MAEA: variants seen among roughly 807,000 people sequenced by gnomAD.
The protein encoded by MAEA is E3 ubiquitin-protein transferase MAEA.
MAEA carries 22 observed loss-of-function variants against 46.2 expected under a neutral mutation model. That is an observed-to-expected ratio of 0.48 (90% confidence interval 0.34 to 0.68). The LOEUF (loss-of-function observed/expected upper bound fraction) is 0.68. Ranked by LOEUF, MAEA falls within the 30% of genes least tolerant of loss-of-function variation. The pLI, the probability that MAEA is intolerant of heterozygous loss-of-function variation, is 0.01. For missense variants in MAEA, 393 were observed against 558.1 expected (o/e 0.70, Z 2.98); for synonymous variants, 246 against 222.6 (o/e 1.11, Z -0.94).
At chr4:1,298,772 T>C (rs985509117) in intron 1 of MAEA, among the ~76,000 whole-genome samples, 4 of 152,182 alleles carry the variant, frequency 2.6e-5, no homozygotes, top group African/African-American at 9.6e-5. Context: ...CCTCTGTGTA[T>C]ACTGATGACT....
intron 5 of MAEA, chr4:1,329,675 C>T: frequency 1.0e-6 from 1 of 985,592 alleles, no homozygotes; most frequent in Non-Finnish European, 1.2e-6. Flanking sequence ...CCTGGAGCCA[C>T]CCACAAGGCA....
Position 1,317,322 on chromosome 4 carries a change from G to A in MAEA, c.456+1722G>A, listed in dbSNP as rs368321539. ...CCGGCCCCACACTCCAGACTCACCCGCAGGCCCCACACTCTGGACTCATCT... is the reference window on the plus strand; with the variant it reads ...CCGGCCCCACACTCCAGACTCACCCACAGGCCCCACACTCTGGACTCATCT... On this transcript the variant is annotated intron_variant, in intron 3 of 8. Coordinates refer to ENST00000303400, the MANE Select transcript of MAEA (RefSeq NM_001017405.3). Among the ~76,000 whole-genome samples the A allele has an allele frequency of 1.3e-3, 110 of 82,770 alleles. 3 individuals are homozygous for A. The South Asian group carries it at 0.045, about 34-fold the overall frequency. The allele number at this position is 82,770 out of a possible 152,430, so 54.3% of individuals were successfully genotyped here. A position where few individuals can be genotyped will look rare whatever the true frequency, so the allele number is the denominator to read the frequency against.
At chr4:1,330,530 T>TAATGTTTGTATTTTTAGTA (rs1174058773) in intron 5 of MAEA, 2 of 151,470 alleles carry the variant, frequency 1.3e-5, no homozygotes, top group African/African-American at 4.9e-5. Context: ...TTGGCCAGGC[T>TAATGTTTGTATTTTTAGTA]GGTCTCAAAC....
intron 1 of MAEA, among the ~76,000 whole-genome samples, chr4:1,296,672 T>C (rs906259183): frequency 6.6e-6 from 1 of 151,524 alleles, no homozygotes; most frequent in Non-Finnish European, 1.5e-5. Context: ...TACTACTCCC[T>C]GTCTCTGCCC....
In MAEA at chr4:1,332,769, G is replaced by A; in HGVS notation, c.669G>A (p.Lys223=). The A allele has an allele frequency of 6.2e-7, 1 of 1,611,572 alleles. No homozygotes were observed. Among genetic ancestry groups the A allele is most frequent in the South Asian group, 1.1e-5 (1 of 90,856 alleles). Reference sequence around the variant, plus strand: ...TGTTGTTTTTTAGACATGCAAGAAAGCACTTCAGCCAAGCAGAAGGGAGCC... The same window carrying A: ...TGTTGTTTTTTAGACATGCAAGAAAACACTTCAGCCAAGCAGAAGGGAGCC... ...KRLDAVRHAR[K]HFSQAEGSQL... Residue 223 remains lysine, a synonymous_variant, in exon 6 of 9, where the codon AAG becomes AAA. Coordinates refer to ENST00000303400, the MANE Select transcript of MAEA (RefSeq NM_001017405.3).
chr4:1,323,554 C>G, intron 4 of MAEA: 1 of 702,550 alleles, frequency 1.4e-6, no homozygotes. Context: ...CTAGTAGCTC[C>G]CCTAAAGAGA....
intron 4 of MAEA, among the ~76,000 whole-genome samples, chr4:1,322,978 C>T (rs565463398): frequency 1.0e-5 from 1 of 98,254 alleles, no homozygotes; most frequent in Admixed American, 1.6e-4. Flanking sequence ...TTTTTTGAGA[C>T]GGAGTCTCGC....
intron 5 of MAEA, 70 bp downstream of exon 5, chr4:1,327,773 C>G (rs1213593952): frequency 1.1e-5 from 15 of 1,404,916 alleles, no homozygotes; most frequent in Non-Finnish European, 1.5e-5. Flanking sequence ...GCCAGCCCTC[C>G]CTGTCGTGGT....
At chr4:1,302,114 A>C (rs1735375144) in intron 1 of MAEA, among the ~76,000 whole-genome samples, 1 of 151,546 alleles carries the variant, frequency 6.6e-6, no homozygotes, top group African/African-American at 2.4e-5. Context: ...AATCTTAGAA[A>C]ACTAAGAAAA....
rs376903682 is a variant in MAEA, at chr4:1,339,179, C to T, written c.*10C>T. ...GGTGTACATCATGTAGGCCCCACGT[C>T]GTGAAGCGCACGCCTCGGGGACGGG... On this transcript the variant is annotated 3_prime_UTR_variant, in exon 9 of 9. Transcript: ENST00000303400. 1.7e-5 allele frequency: 28 copies of T among 1,610,134 alleles called. No individual in the cohort carries two copies. The highest frequency in any genetic ancestry group is 2.2e-5 in the East Asian group (1 of 44,846).
chr4:1,322,384 C>G lies in MAEA; in HGVS notation c.460C>G (p.Leu154Val), dbSNP rs746469146. 3 of 1,613,824 alleles carry G rather than the reference C, an allele frequency of 1.9e-6. No homozygotes were observed. Among genetic ancestry groups the G allele is most frequent in the Non-Finnish European group, 1.7e-6 (2 of 1,179,930 alleles). Residue 154 changes from leucine (L) to valine (V), a missense_variant, in exon 4 of 9, where the codon CTA becomes GTA. Physicochemically the swap from Leu to Val is conservative, Grantham distance 32. Coordinates refer to ENST00000303400, the MANE Select transcript of MAEA (RefSeq NM_001017405.3). Reference protein sequence around the residue: ...KLARQSGIEDLVNIEMFLTAK... With the variant: ...KLARQSGIEDVVNIEMFLTAK... ...GGTGCTGCTTCCTTCCTCTAAGGAC[C>G]TAGTGAATATTGAGATGTTCCTGAC...
Position 1,298,396 on chromosome 4 carries a change from G to T in MAEA, c.69+8414G>T, listed in dbSNP as rs537397800. On this transcript the variant is annotated intron_variant, in intron 1 of 8. Transcript: ENST00000303400. ...TCTGGTTATCCACGAAGAGGCACAC[G>T]CGCCGTCTTCTGGTTATCCACGAAG... is the stretch of plus-strand genomic sequence containing the variant. 1.9e-4 allele frequency among the ~76,000 whole-genome samples: 29 copies of T among 151,890 alleles called. 1 individual carries two copies. Among genetic ancestry groups the T allele is most frequent in the Middle Eastern group, 6.3e-3 (2 of 316 alleles).
intron 1 of MAEA, among the ~76,000 whole-genome samples, chr4:1,308,114 T>TG (rs1356536736): frequency 6.7e-6 from 1 of 150,188 alleles, no homozygotes; most frequent in Non-Finnish European, 1.5e-5. Flanking sequence ...GTGTGGCTGC[T>TG]GCACGCCCGC....
intron 1 of MAEA, among the ~76,000 whole-genome samples, chr4:1,291,109 G>C (rs1359783391): frequency 2.0e-5 from 3 of 152,172 alleles, no homozygotes; most frequent in Non-Finnish European, 4.4e-5. Flanking sequence ...GCTGTAGCTG[G>C]TCTTCATAGG....
rs905855093 is a variant in MAEA, at chr4:1,311,636, C to T, written c.70-343C>T. ...GATCACCGGCCAGGCCTGTGTTTTA[C>T]CGTCTGATAGCCTCACACCCCGGTC... is the stretch of plus-strand genomic sequence containing the variant. On this transcript the variant is annotated intron_variant, in intron 1 of 8. Coordinates refer to ENST00000303400, the MANE Select transcript of MAEA (RefSeq NM_001017405.3). This position sits in a 1 kb window ranked among gnomAD's most constrained non-coding sequence, Gnocchi z 4.4. 3.2e-4 allele frequency among the ~76,000 whole-genome samples: 49 copies of T among 152,312 alleles called. No homozygotes were observed. The highest frequency in any genetic ancestry group is 2.6e-3 in the Admixed American group (40 of 15,304).
At chr4:1,294,993 G>C (rs28641665) in intron 1 of MAEA, among the ~76,000 whole-genome samples, 1 of 152,046 alleles carries the variant, frequency 6.6e-6, no homozygotes, top group Non-Finnish European at 1.5e-5. Context: ...GTGGCTGGGG[G>C]TGTCCCAGAG....
intron 1 of MAEA, among the ~76,000 whole-genome samples, chr4:1,297,690 C>T (rs2293632): frequency 0.071 from 10,798 of 152,240 alleles, 1,054 homozygotes; most frequent in East Asian, 0.42. Context: ...CGTCCTTTGT[C>T]GTCGTTCACG....
intron 5 of MAEA, among the ~76,000 whole-genome samples, chr4:1,328,200 C>T (rs1486326450): frequency 2.6e-5 from 4 of 152,198 alleles, no homozygotes; most frequent in Non-Finnish European, 5.9e-5. Context: ...GACCCAAGGG[C>T]GGCGTGCAGT....
chr4:1,318,911 C>A (rs1381702094), intron 3 of MAEA, among the ~76,000 whole-genome samples: 1 of 139,858 alleles, frequency 7.2e-6, no homozygotes, highest in Admixed American at 7.0e-5. Context: ...GAAGCTGCTG[C>A]CAAGGGAAGG....
Sources: gnomAD v4.1 joint callset for allele counts (sites outside exome capture counted in the v4.1 genomes callset) on GRCh38, gnomAD v4.1.1 for gene constraint, Gnocchi (gnomAD v3.1) non-coding constraint, MANE v1.5 for transcripts, NCBI Gene and HGNC (gene_info 2026-07-23, HGNC 2026-07-21) for gene names.